Variants in CDKL3 observed in about 807,000 individuals in gnomAD.
CDKL3 encodes cyclin-dependent kinase-like 3.
In CDKL3, 65 loss-of-function variants were observed where a neutral mutation model predicts 69.3. The ratio of observed to expected loss-of-function variants is 0.94; its 90% CI spans 0.77 to 1.15. CDKL3 has a LOEUF of 1.15. Ranked by LOEUF, CDKL3 falls within the 50% of genes most tolerant of loss-of-function variation. CDKL3 has a pLI of 0.00. For missense variants in CDKL3, 652 were observed against 689.2 expected, an observed-to-expected ratio of 0.95 and a Z score of 0.61; for synonymous variants, 202 against 221.6, an observed-to-expected ratio of 0.91 and a Z score of 0.79.
At chr5:134,352,447 CAT>C (rs1277086322) in intron 3 of CDKL3, among the ~76,000 whole-genome samples, 5 of 151,828 alleles carry the variant, frequency 3.3e-5, no homozygotes, top group Middle Eastern at 3.4e-3. Flanking sequence ...ATTACAGGGA[CAT>C]GCCACCACGC....
chr5:134,361,393 A>G (rs1032444252), intron 2 of CDKL3, among the ~76,000 whole-genome samples: 2 of 152,042 alleles, frequency 1.3e-5, no homozygotes, highest in Non-Finnish European at 2.9e-5. Flanking sequence ...GCTCTAGAAA[A>G]CTATACCTTT....
chr5:134,329,872 T>C (rs1248348538), intron 4 of CDKL3, among the ~76,000 whole-genome samples: 4 of 151,946 alleles, frequency 2.6e-5, no homozygotes, highest in African/African-American at 4.8e-5. Context: ...TAGCCGGGCA[T>C]GGTGGCACAC....
chr5:134,329,566 T>A (rs1182098812), intron 4 of CDKL3, among the ~76,000 whole-genome samples: 3 of 151,568 alleles, frequency 2.0e-5, no homozygotes, highest in Non-Finnish European at 4.4e-5. Flanking sequence ...GCTTCCTGGG[T>A]TGACGCCATT....
Position 134,306,998 on chromosome 5 carries a change from A to G in CDKL3, c.1365-296T>C, listed in dbSNP as rs185057614. 6.3e-4 allele frequency among the ~76,000 whole-genome samples: 95 copies of G among 151,896 alleles called. 1 individual carries two copies. Among genetic ancestry groups the G allele is most frequent in the African/African-American group, 2.0e-3 (84 of 41,454 alleles). ...TCGAACTCCTGAGCTAAAGTGATAC[A>G]CTCGCCTTGGCCTCCCAAATTGCTG... On this transcript the variant is annotated intron_variant, in intron 9 of 12. Transcript: ENST00000265334.
At chr5:134,338,684 A>C (rs1253066705) in intron 4 of CDKL3, among the ~76,000 whole-genome samples, 2 of 152,168 alleles carry the variant, frequency 1.3e-5, no homozygotes, top group Non-Finnish European at 2.9e-5. Context: ...TGACAGAGTG[A>C]GACTCTATCT....
chr5:134,371,508 C>A, upstream of CDKL3: 2 of 1,519,688 alleles, frequency 1.3e-6, no homozygotes, highest in Non-Finnish European at 1.8e-6. Flanking sequence ...CGGCGGCGAT[C>A]CACAGTGATT....
At chr5:134,348,228 T>TA (rs1464814735) in intron 4 of CDKL3, among the ~76,000 whole-genome samples, 4 of 152,064 alleles carry the variant, frequency 2.6e-5, no homozygotes. Context: ...TCTATTATTT[T>TA]AAAAAATGCA....
intron 4 of CDKL3, among the ~76,000 whole-genome samples, chr5:134,324,514 A>G (rs553971229): frequency 6.6e-6 from 1 of 152,326 alleles, no homozygotes; most frequent in East Asian, 1.9e-4. Context: ...ATTTAGCAAT[A>G]AAAGAGAAGT....
At chr5:134,302,501 G>T in intron 12 of CDKL3, 89 bp downstream of exon 12, 1 of 685,326 alleles carries the variant, frequency 1.5e-6, no homozygotes, top group Non-Finnish European at 2.5e-6. Context: ...TTTTTATATA[G>T]CTTTCCAATA....
chr5:134,349,840 A>G (rs973446036), intron 4 of CDKL3, among the ~76,000 whole-genome samples: 1 of 152,040 alleles, frequency 6.6e-6, no homozygotes, highest in Non-Finnish European at 1.5e-5. Flanking sequence ...CAGACGGCAG[A>G]ATGTGTCAGT....
At chr5:134,355,235 G>GAAAAAAAAAA (rs60153337) in intron 3 of CDKL3, among the ~76,000 whole-genome samples, 1 of 74,468 alleles carries the variant, frequency 1.3e-5, no homozygotes. Context: ...TCTGTCTCAG[G>GAAAAAAAAAA]AAAAAAAAAA....
In CDKL3 at chr5:134,304,502, G is replaced by T; in HGVS notation, c.1524C>A (p.Asn508Lys). Residue 508 changes from asparagine (N) to lysine (K), a missense_variant, in exon 11 of 13, where the codon AAC (asparagine) becomes AAA (lysine). By Grantham distance (94) the Asn-to-Lys change is moderately conservative (BLOSUM62 0). Transcript: ENST00000265334. ...TGHSDQMANENKRKLNFSRSD... is the reference protein window; with the variant it reads ...TGHSDQMANEKKRKLNFSRSD... ...ATCTGGAAAAATTCAGCTTCCTTTT[G>T]TTCTCATTTGCCATTTGGTCACTGT... 1 of 1,612,272 alleles carries T rather than the reference G, an allele frequency of 6.2e-7. No homozygotes were observed. Among genetic ancestry groups the T allele is most frequent in the Non-Finnish European group, 8.5e-7 (1 of 1,179,256 alleles).
In CDKL3 at chr5:134,312,350, T is replaced by A. The variant is rs761147351; in HGVS notation, c.823A>T (p.Ile275Leu). ...TGATGCAAAAGATCACTAGATGATA[T>A]CCTGTCAGCAGGATCAATTTGTAAA... Reference protein sequence around the residue: ...ACLQIDPADRISSSDLLHHEY... With the variant: ...ACLQIDPADRLSSSDLLHHEY... The change falls in exon 7 of 13, where the codon ATA becomes TTA. Residue 275 changes from isoleucine (I) to leucine (L), a missense_variant. Transcript: ENST00000265334. The A allele has an allele frequency of 1.9e-6, 3 of 1,599,762 alleles. No homozygotes were observed. The highest frequency in any genetic ancestry group is 2.6e-6 in the Non-Finnish European group (3 of 1,173,984).
chr5:134,363,521 C>T lies in CDKL3; in HGVS notation c.165+2838G>A, dbSNP rs192496134. On this transcript the variant is annotated intron_variant, in intron 2 of 12. Transcript: ENST00000265334. ...TGTCGCCCAGACTGGAGTGCAGTGG[C>T]GCAATCTCAGCTCACTGCAACCTCC... 9.3e-3 allele frequency among the ~76,000 whole-genome samples: 1,310 copies of T among 141,534 alleles called. 11 individuals are homozygous for T. The highest frequency in any genetic ancestry group is 0.037 in the Middle Eastern group (9 of 244). 92.9% of individuals were successfully genotyped at this position (141,534 alleles called of 152,430 possible). A position where few individuals can be genotyped will look rare whatever the true frequency, so the allele number is the denominator to read the frequency against.
intron 3 of CDKL3, among the ~76,000 whole-genome samples, chr5:134,355,246 A>C (rs1470101256): frequency 6.6e-6 from 1 of 151,854 alleles, no homozygotes. Context: ...AAAAAAAAAA[A>C]AAAAAAAAAA....
At chr5:134,346,574 G>A (rs973052962) in intron 4 of CDKL3, among the ~76,000 whole-genome samples, 2 of 152,122 alleles carry the variant, frequency 1.3e-5, no homozygotes, top group African/African-American at 2.4e-5. Context: ...TCGGCTCACC[G>A]CAACCTCTGC....
chr5:134,298,147 T>G, downstream of CDKL3: 1 of 511,330 alleles, frequency 2.0e-6, no homozygotes, highest in Non-Finnish European at 2.5e-6. Flanking sequence ...TTGGTCAGGC[T>G]GGTTTCGAAC....
chr5:134,370,726 C>T (rs1758291255), upstream of CDKL3, among the ~76,000 whole-genome samples: 1 of 152,198 alleles, frequency 6.6e-6, no homozygotes, highest in Non-Finnish European at 1.5e-5. Context: ...TTCAAGGAAC[C>T]ATTTCAGGAG....
intron 4 of CDKL3, among the ~76,000 whole-genome samples, chr5:134,346,341 TCAGA>T (rs1190696024): frequency 6.6e-6 from 1 of 152,216 alleles, no homozygotes; most frequent in Non-Finnish European, 1.5e-5. Context: ...CAGCATAAAA[TCAGA>T]CAGTGTTCTC....
Sources: gnomAD v4.1 joint callset for allele counts (sites outside exome capture counted in the v4.1 genomes callset) on GRCh38, gnomAD v4.1.1 for gene constraint, MANE v1.5 for transcripts, NCBI Gene and HGNC (gene_info 2026-07-23, HGNC 2026-07-21) for gene names.